The following NALF2 variants were observed in gnomAD, a reference collection of about 807,000 sequenced individuals.
The protein encoded by NALF2 is NALCN channel auxiliary factor 2, also known as bB57D9.1 (TED protein).
Under a neutral mutation model 24.8 loss-of-function variants are expected in NALF2, and 1 was observed. The ratio of observed to expected loss-of-function variants is 0.04; its 90% CI spans 0.01 to 0.19. The LOEUF (loss-of-function observed/expected upper bound fraction) is 0.19. Ranked by LOEUF, NALF2 falls within the 10% of genes least tolerant of loss-of-function variation. The pLI is 1.00. For synonymous variants in NALF2, 254 were observed against 189.8 expected (o/e 1.34, Z -2.78); for missense variants, 458 against 409.6 (o/e 1.12, Z -1.02).
Position 69,505,189 on chromosome X carries a change from C to G in NALF2, c.-94C>G. 3 of 924,396 alleles carry G rather than the reference C, an allele frequency of 3.2e-6. No individual in the cohort carries two copies. Among genetic ancestry groups the G allele is most frequent in the Non-Finnish European group, 4.3e-6 (3 of 698,825 alleles). The allele number at this position is 924,396 out of a possible 1,213,427, so 76.2% of individuals were successfully genotyped here. ...CCCCCGAGGTAGAGCCTGGACGGCG[C>G]CGAGGAGCGCAGAGCGGCGCGCAGC... is the stretch of plus-strand genomic sequence containing the variant. On this transcript the variant is annotated 5_prime_UTR_variant, in exon 1 of 3. Transcript: ENST00000252338.
At position 69,520,418 on chromosome X, in the gene NALF2, A is replaced by G. The variant is rs1056250742; in HGVS notation, c.862-8575A>G. Among the ~76,000 whole-genome samples the G allele has an allele frequency of 5.4e-5, 6 of 111,714 alleles. No homozygotes were observed. In the East Asian group the frequency reaches 1.1e-3, roughly 21 times the overall value. On this transcript the variant is annotated intron_variant, in intron 1 of 2. Transcript: ENST00000252338. ...TAAAGCTTCTGCCCAGAAGTGACTC[A>G]TGTCACCTCAACTCACACTTCATTG...
chrX:69,504,617 G>A lies in NALF2; in HGVS notation c.-666G>A, dbSNP rs1930418309. ...CGAGCCGGAACTCCAGGAGCAGCGG[G>A]TGCGGAGCCAGAGCGGAGCCCGCCA... On this transcript the variant is annotated 5_prime_UTR_variant, in exon 1 of 3. In the 5' UTR this introduces an upstream ATG that the reference lacks. Coordinates refer to ENST00000252338, the MANE Select transcript of NALF2 (RefSeq NM_015686.3). Among the ~76,000 whole-genome samples the A allele has an allele frequency of 8.8e-6, 1 of 113,023 alleles. No individual in the cohort carries two copies. Among genetic ancestry groups the A allele is most frequent in the African/African-American group, 3.2e-5 (1 of 31,296 alleles).
intron 1 of NALF2, among the ~76,000 whole-genome samples, chrX:69,523,065 C>T (rs1200282676): frequency 8.9e-6 from 1 of 112,569 alleles, no homozygotes; most frequent in Non-Finnish European, 1.9e-5. Context: ...TCTGCGGCTG[C>T]AGCTCCAGCT....
At position 69,504,588 on chromosome X, in the gene NALF2, C is replaced by T. The variant is rs1228163708; in HGVS notation, c.-695C>T. Among the ~76,000 whole-genome samples the T allele has an allele frequency of 2.7e-5, 3 of 112,909 alleles. No homozygotes were observed. The highest frequency in any genetic ancestry group is 9.2e-5 in the Admixed American group (1 of 10,883). On this transcript the variant is annotated 5_prime_UTR_variant, in exon 1 of 3. Coordinates refer to ENST00000252338, the MANE Select transcript of NALF2 (RefSeq NM_015686.3). The stretch of plus-strand genomic sequence containing the variant: ...TGGCGCTGCCGGGAGCCAGGTGGCC[C>T]GCCCGAGCCGGAACTCCAGGAGCAG...
At chrX:69,509,786 A>G (rs1930552772) in intron 1 of NALF2, among the ~76,000 whole-genome samples, 1 of 112,178 alleles carries the variant, frequency 8.9e-6, no homozygotes, top group Non-Finnish European at 1.9e-5. Flanking sequence ...GGTATAAATG[A>G]AAAAGCATGA....
intron 1 of NALF2, among the ~76,000 whole-genome samples, chrX:69,512,368 G>A (rs1465954645): frequency 1.8e-5 from 2 of 111,574 alleles, no homozygotes; most frequent in Non-Finnish European, 3.8e-5. Flanking sequence ...GGAGGGCAAG[G>A]GCACCAGGCG....
At chrX:69,512,059 C>G (rs1602192796) in intron 1 of NALF2, among the ~76,000 whole-genome samples, 1 of 111,576 alleles carries the variant, frequency 9.0e-6, no homozygotes, top group East Asian at 2.8e-4. Flanking sequence ...ACCTGCCCTC[C>G]CCAGCTCATT....
rs1001683934 is a variant in NALF2, at chrX:69,505,350, G to A, written c.68G>A (p.Cys23Tyr). 1.7e-5 allele frequency: 20 copies of A among 1,154,375 alleles called. No homozygotes were observed. Among genetic ancestry groups the A allele is most frequent in the Non-Finnish European group, 2.3e-5 (20 of 867,708 alleles). Residue 23 changes from cysteine to tyrosine, a missense_variant, in exon 1 of 3, where the codon TGC becomes TAC. Cys to Tyr is a radical substitution (Grantham distance 194). Transcript: ENST00000252338. Reference protein sequence around the residue: ...AAALTICCCCCCWAPRPSDKP... With the variant: ...AAALTICCCCYCWAPRPSDKP... ...GCGCTGACTATCTGCTGCTGCTGCT[G>A]CTGCTGGGCTCCCAGGCCGAGCGAC...
At chrX:69,518,533 A>C (rs1930693698) in intron 1 of NALF2, among the ~76,000 whole-genome samples, 1 of 110,527 alleles carries the variant, frequency 9.0e-6, no homozygotes, top group Non-Finnish European at 1.9e-5. Flanking sequence ...ATATTTCTAA[A>C]TGGTATGCTA....
chrX:69,515,324 C>G (rs984121029), intron 1 of NALF2, among the ~76,000 whole-genome samples: 2 of 112,438 alleles, frequency 1.8e-5, no homozygotes, highest in African/African-American at 6.5e-5. Flanking sequence ...CACAAAATGA[C>G]TTTTTCTTTC....
intron 1 of NALF2, among the ~76,000 whole-genome samples, chrX:69,517,781 G>C (rs1408291901): frequency 8.9e-6 from 1 of 112,042 alleles, no homozygotes; most frequent in African/African-American, 3.2e-5. Flanking sequence ...CAAAGCCCTT[G>C]ATTTACCTCA....
chrX:69,508,449 C>G (rs1378982028), intron 1 of NALF2, among the ~76,000 whole-genome samples: 5 of 111,042 alleles, frequency 4.5e-5, no homozygotes, highest in Non-Finnish European at 7.6e-5. Context: ...ATGGCCCTCC[C>G]TCCTCTCCTT....
At chrX:69,513,156 C>G (rs376651212) in intron 1 of NALF2, among the ~76,000 whole-genome samples, 1 of 111,740 alleles carries the variant, frequency 8.9e-6, no homozygotes, top group Non-Finnish European at 1.9e-5. Flanking sequence ...AAGCAGAGCA[C>G]GAGGGGAGAA....
chrX:69,529,491 C>G, intron 2 of NALF2, 80 bp from the exon 3 acceptor site: 1 of 1,130,068 alleles, frequency 8.8e-7, no homozygotes, highest in South Asian at 2.2e-5. Flanking sequence ...GCAGCCCCAG[C>G]TCTGGAAACT....
chrX:69,511,927 G>A (rs1332537606), intron 1 of NALF2, among the ~76,000 whole-genome samples: 1 of 112,037 alleles, frequency 8.9e-6, no homozygotes, highest in East Asian at 2.8e-4. Flanking sequence ...TAGGGACATA[G>A]GCTGAACCTC....
rs1198578367 is a variant in NALF2 at position 69,531,486 on chromosome X, C to G, written c.*1530C>G. On this transcript the variant is annotated 3_prime_UTR_variant, in exon 3 of 3. Coordinates refer to ENST00000252338, the MANE Select transcript of NALF2 (RefSeq NM_015686.3). Reference sequence around the variant, plus strand: ...GAATGGACAGGAAAGGGAGCCAGAGCTGTATACCTGGGACAGGCCAGGGAG... The same window carrying G: ...GAATGGACAGGAAAGGGAGCCAGAGGTGTATACCTGGGACAGGCCAGGGAG... 3.6e-5 allele frequency: 4 copies of G among 112,013 alleles called. No homozygotes were observed. The highest frequency in any genetic ancestry group is 7.5e-5 in the Non-Finnish European group (4 of 53,234). The allele number at this position is 112,013 out of a possible 1,213,427, so 9.2% of individuals were successfully genotyped here. A position where few individuals can be genotyped will look rare whatever the true frequency, so the allele number is the denominator to read the frequency against.
chrX:69,521,127 T>G (rs4844175), intron 1 of NALF2, among the ~76,000 whole-genome samples: 53,974 of 110,675 alleles, frequency 0.49, 9,594 homozygotes, highest in Admixed American at 0.66. Context: ...GGCCATGGCC[T>G]TCCTCTGCAA....
Position 69,530,595 on chromosome X carries a change from AGAAT to A in NALF2, c.*645_*648del, listed in dbSNP as rs1373380367. On this transcript the variant is annotated 3_prime_UTR_variant, in exon 3 of 3. Coordinates refer to ENST00000252338, the MANE Select transcript of NALF2 (RefSeq NM_015686.3). ...GCAATGAGGGGCAGGAAAGGGGTAC[AGAAT>A]GAATGGTGAAAGAGAGTGGAGATAC... 2.7e-5 allele frequency: 3 copies of A among 112,947 alleles called. No homozygotes were observed. Among genetic ancestry groups the A allele is most frequent in the East Asian group, 5.6e-4 (2 of 3,566 alleles). 9.3% of individuals were successfully genotyped at this position (112,947 alleles called of 1,213,427 possible).
intron 1 of NALF2, among the ~76,000 whole-genome samples, chrX:69,506,874 G>A (rs1439792221): frequency 8.9e-6 from 1 of 112,828 alleles, no homozygotes; most frequent in African/African-American, 3.2e-5. Context: ...TGGTGACAGT[G>A]GGGGGAACAC....
Sources: gnomAD v4.1 joint callset for allele counts (sites outside exome capture counted in the v4.1 genomes callset) on GRCh38, gnomAD v4.1.1 for gene constraint, MANE v1.5 for transcripts, NCBI Gene and HGNC (gene_info 2026-07-23, HGNC 2026-07-21) for gene names.